Variants in FOXM1 observed in about 807,000 individuals in gnomAD.
FOXM1 encodes the protein forkhead box M1.
Under a neutral mutation model 63.6 loss-of-function variants are expected in FOXM1, and 25 were observed. The observed-to-expected ratio is 0.39, with a 90% CI of 0.29 to 0.55. The LOEUF (loss-of-function observed/expected upper bound fraction) is 0.55, where lower values mean the gene tolerates loss of function less well. FOXM1 is among the 20% of genes least tolerant of loss of function. The pLI, the probability that FOXM1 is intolerant of heterozygous loss-of-function variation, is 0.60. For synonymous variants in FOXM1, 387 were observed against 376.9 expected (o/e 1.03, Z -0.31); for missense variants, 879 against 958.7 (o/e 0.92, Z 1.10).
Position 2,875,777 on chromosome 12 carries a change from T to TGAGACGGA in FOXM1, c.-48+1135_-48+1142dup, listed in dbSNP as rs1460184371. 7.9e-5 allele frequency among the ~76,000 whole-genome samples: 12 copies of TGAGACGGA among 151,214 alleles called. No individual in the cohort carries two copies. The East Asian group carries it at 2.1e-3, about 27-fold the overall frequency. On this transcript the variant is annotated intron_variant, in intron 1 of 8. Coordinates refer to ENST00000359843, the MANE Select transcript of FOXM1 (RefSeq NM_021953.4). Reference sequence around the variant, plus strand: ...TTTTTTTTAATTTTTTTTTTTTTTTTGAGACGGAGCTTCGCTCTTGTCACC... The same window carrying TGAGACGGA: ...TTTTTTTTAATTTTTTTTTTTTTTTTGAGACGGAGAGACGGAGCTTCGCTCTTGTCACC...
At position 2,864,348 on chromosome 12, in the gene FOXM1, T is replaced by C; in HGVS notation, c.1238A>G (p.His413Arg). The C allele has an allele frequency of 1.2e-6, 2 of 1,612,392 alleles. No individual in the cohort carries two copies. Among genetic ancestry groups the C allele is most frequent in the South Asian group, 2.2e-5 (2 of 91,068 alleles). Residue 413 changes from histidine (H) to arginine (R), a missense_variant, in exon 8 of 9, where the codon CAT becomes CGT. His to Arg is a conservative substitution (Grantham distance 29). Coordinates refer to ENST00000359843, the MANE Select transcript of FOXM1 (RefSeq NM_021953.4). This position sits in a 1 kb window ranked among gnomAD's most constrained non-coding sequence, Gnocchi z 5.1. ...GGGGGCAATGCGGACTCGCTTGCTA[T>C]GGCGGGCAAGCTCTGAGCTCATGAG... ...ASLMSSELAR[H>R]SKRVRIAPKV...
Position 2,859,531 on chromosome 12 carries a change from C to T in FOXM1, c.1399G>A (p.Gly467Arg). 6.2e-7 allele frequency: 1 copy of T among 1,614,062 alleles called. No individual in the cohort carries two copies. The highest frequency in any genetic ancestry group is 8.5e-7 in the Non-Finnish European group (1 of 1,179,984). Residue 467 changes from glycine to arginine, a missense_variant, in exon 9 of 9, where the codon GGG (glycine) becomes AGG (arginine). Around this residue, in one of 4 missense-constraint regions of FOXM1, gnomAD observed 486 missense variants for 453.5 expected, o/e 1.07. Coordinates refer to ENST00000359843, the MANE Select transcript of FOXM1 (RefSeq NM_021953.4). ...QTIKEEEIQP[G>R]EEMPHLARPI... ...CTCGCTAAGTGTGGCATTTCCTCCC[C>T]AGGCTGGATTTCTTCCTCCTTGATA...
Position 2,858,921 on chromosome 12 carries a change from A to T in FOXM1, c.2009T>A (p.Leu670His), listed in dbSNP as rs563190488. The change falls in exon 9 of 9, where the codon CTT (leucine) becomes CAT (histidine). Residue 670 changes from leucine to histidine, a missense_variant. Coordinates refer to ENST00000359843, the MANE Select transcript of FOXM1 (RefSeq NM_021953.4). The part of the protein sequence containing the change: ...STTPLQSAPP[L>H]ESPQRLLSSE... The stretch of plus-strand genomic sequence containing the variant: ...ACTGAGGAGCCTTTGCGGTGATTCA[A>T]GGGGGGGAGCACTTTGCAAGGGAGT... 2 of 1,613,536 alleles carry T rather than the reference A, an allele frequency of 1.2e-6. No individual in the cohort carries two copies. The highest frequency in any genetic ancestry group is 2.2e-5 in the East Asian group (1 of 44,862).
intron 3 of FOXM1, among the ~76,000 whole-genome samples, chr12:2,869,040 T>C (rs911004283): frequency 6.6e-6 from 1 of 152,182 alleles, no homozygotes; most frequent in Admixed American, 6.6e-5. Context: ...AAAGTTTGAG[T>C]ATGTACTTTG....
chr12:2,870,834 C>T (rs934032625), intron 3 of FOXM1, among the ~76,000 whole-genome samples: 4 of 151,816 alleles, frequency 2.6e-5, no homozygotes, highest in Non-Finnish European at 4.4e-5. Context: ...CAGCGGGCAC[C>T]TGTAATCCCA....
rs978281932 is a variant in FOXM1 at position 2,871,617 on chromosome 12, G to A, written c.654+479C>T. Among the ~76,000 whole-genome samples, 12 of 151,056 alleles carry A rather than the reference G, an allele frequency of 7.9e-5. No individual in the cohort carries two copies. In the East Asian group the frequency reaches 1.4e-3, roughly 17 times the overall value. The stretch of plus-strand genomic sequence containing the variant: ...CAGAGAGCCATGACTGCACCATTGC[G>A]CTCCAGCCTGGGCAACAGAGCAAGA... On this transcript the variant is annotated intron_variant, in intron 3 of 8. Transcript: ENST00000359843.
intron 8 of FOXM1, among the ~76,000 whole-genome samples, chr12:2,862,840 C>A (rs1401050345): frequency 6.6e-6 from 1 of 151,868 alleles, no homozygotes; most frequent in African/African-American, 2.4e-5. Context: ...CTGTGCATGG[C>A]CTAAAAGATT....
rs1467099506 is a variant in FOXM1, at chr12:2,865,419, G to A, written c.976-20C>T. 1.9e-6 allele frequency: 3 copies of A among 1,607,820 alleles called. No individual in the cohort carries two copies. Among genetic ancestry groups the A allele is most frequent in the Non-Finnish European group, 2.5e-6 (3 of 1,176,512 alleles). On this transcript the variant is annotated intron_variant, in intron 5 of 8. Coordinates refer to ENST00000359843, the MANE Select transcript of FOXM1 (RefSeq NM_021953.4). Reference sequence around the variant, plus strand: ...CAGTGGCTGGTGGCGGCCAGGCATTGTGGGAGAGAAATGAGATGAAGTTAC... The same window carrying A: ...CAGTGGCTGGTGGCGGCCAGGCATTATGGGAGAGAAATGAGATGAAGTTAC...
chr12:2,874,156 A>C lies in FOXM1; in HGVS notation c.323T>G (p.Leu108Arg). 1 of 1,614,178 alleles carries C rather than the reference A, an allele frequency of 6.2e-7. No homozygotes were observed. The highest frequency in any genetic ancestry group is 8.5e-7 in the Non-Finnish European group (1 of 1,180,034). Residue 108 changes from leucine (L) to arginine (R), a missense_variant, in exon 2 of 9, where the codon CTC (leucine) becomes CGC (arginine). Around this residue, in one of 4 missense-constraint regions of FOXM1, gnomAD observed 255 missense variants for 292.4 expected, o/e 0.87. Coordinates refer to ENST00000359843, the MANE Select transcript of FOXM1 (RefSeq NM_021953.4). This position sits in a 1 kb window ranked among gnomAD's most constrained non-coding sequence, Gnocchi z 4.3. ...SGSSGPNKFI[L>R]ISCGGAPTQP... is the part of the protein sequence containing the mutation. ...AGTTGGGGCTCCCCCACAGCTGATG[A>C]GGATGAATTTGTTGGGCCCACTACT...
In FOXM1 at chr12:2,865,349, C is replaced by G. The variant is rs773638430; in HGVS notation, c.1020+6G>C. 6.2e-7 allele frequency: 1 copy of G among 1,609,980 alleles called. No individual in the cohort carries two copies. ...CAAGCCCCGAGCCAGAGGGAAAGAA[C>G]CTTACTGATTCCAAGTGCTCGGGCA... On this transcript the variant is annotated splice_donor_region_variant and intron_variant, in intron 6 of 8. Transcript: ENST00000359843.
intron 1 of FOXM1, among the ~76,000 whole-genome samples, chr12:2,875,256 G>A (rs946043529): frequency 1.3e-5 from 2 of 152,158 alleles, no homozygotes; most frequent in African/African-American, 4.8e-5. Context: ...GCCTCCCAAA[G>A]TGCTGGGATT....
rs369067352 is a variant in FOXM1 at position 2,869,462 on chromosome 12, T to C, written c.655-708A>G. 2.0e-4 allele frequency among the ~76,000 whole-genome samples: 28 copies of C among 141,336 alleles called. No individual in the cohort carries two copies. The South Asian group carries it at 5.6e-3, about 28-fold the overall frequency. 92.7% of individuals were successfully genotyped at this position (141,336 alleles called of 152,430 possible). On this transcript the variant is annotated intron_variant, in intron 3 of 8. Transcript: ENST00000359843. The stretch of plus-strand genomic sequence containing the variant: ...TTTTTTTTTTTTTTTTGAGATGGAG[T>C]TTCACTCTTGTTGCCCAGGCTGGAG...
Position 2,858,876 on chromosome 12 carries a change from A to C in FOXM1, c.2054T>G (p.Ile685Ser), listed in dbSNP as rs1344844305. 1 of 1,613,992 alleles carries C rather than the reference A, an allele frequency of 6.2e-7. No individual in the cohort carries two copies. The highest frequency in any genetic ancestry group is 1.7e-5 in the Admixed American group (1 of 60,012). The change falls in exon 9 of 9, where the codon ATC (isoleucine) becomes AGC (serine). Residue 685 changes from isoleucine to serine, a missense_variant. This residue lies in a region of FOXM1 where 486 missense variants were observed against 453.5 expected (regional missense o/e 1.07). Transcript: ENST00000359843. ...RLLSSEPLDL[I>S]SVPFGNSSPS... ...AGAAGAGTTGCCAAAGGGGACGGAG[A>C]TGAGGTCTAAGGGTTCTGAACTGAG...
chr12:2,870,572 A>AGAAT (rs1285934028), intron 3 of FOXM1, among the ~76,000 whole-genome samples: 2 of 151,574 alleles, frequency 1.3e-5, no homozygotes, highest in African/African-American at 2.4e-5. Context: ...CTGAGGCAGG[A>AGAAT]GAATCACTTG....
Position 2,872,733 on chromosome 12 carries a change from G to C in FOXM1, c.503-486C>G, listed in dbSNP as rs1330901548. Among the ~76,000 whole-genome samples, 1 of 152,130 alleles carries C rather than the reference G, an allele frequency of 6.6e-6. No homozygotes were observed. The highest frequency in any genetic ancestry group is 2.4e-5 in the African/African-American group (1 of 41,428). On this transcript the variant is annotated intron_variant, in intron 2 of 8. Transcript: ENST00000359843. The surrounding 1 kb of genome is among the most constrained non-coding windows in gnomAD (Gnocchi z 4.0). ...TTACTCTGCCCCATTATGCATTTCA[G>C]GACAAATTTAGGAGCATAGTTCAAA...
intron 4 of FOXM1, 125 bp from the exon 5 acceptor site, chr12:2,866,646 C>G: frequency 1.0e-6 from 1 of 973,372 alleles, no homozygotes; most frequent in Non-Finnish European, 1.4e-6. Context: ...CGTCTGGTGT[C>G]TTTGCAGCCC....
Position 2,858,827 on chromosome 12 carries a change from C to T in FOXM1, c.2103G>A (p.Lys701=). ...NSSPSDIDVP[K]PGSPEPQVSG... ...AAACCTGTGGCTCCGGGGAGCCTGGCTTGGGGACGTCTATATCTGAGGGAG... is the reference window on the plus strand; with the variant it reads ...AAACCTGTGGCTCCGGGGAGCCTGGTTTGGGGACGTCTATATCTGAGGGAG... The change falls in exon 9 of 9, where the codon AAG becomes AAA. Residue 701 remains lysine, a synonymous_variant. Coordinates refer to ENST00000359843, the MANE Select transcript of FOXM1 (RefSeq NM_021953.4). 6.2e-7 allele frequency: 1 copy of T among 1,614,152 alleles called. No homozygotes were observed. The highest frequency in any genetic ancestry group is 8.5e-7 in the Non-Finnish European group (1 of 1,180,006).
At position 2,872,318 on chromosome 12, in the gene FOXM1, G is replaced by A; in HGVS notation, c.503-71C>T. 6.4e-7 allele frequency: 1 copy of A among 1,550,560 alleles called. No homozygotes were observed. Among genetic ancestry groups the A allele is most frequent in the Non-Finnish European group, 8.9e-7 (1 of 1,129,370 alleles). On this transcript the variant is annotated intron_variant, in intron 2 of 8. Transcript: ENST00000359843. The surrounding 1 kb of genome is among the most constrained non-coding windows in gnomAD (Gnocchi z 4.0). The stretch of plus-strand genomic sequence containing the variant: ...TGCCCAGGTGTGTCCATCAGAATTG[G>A]TGGCTAGCAGGCCGGGTGCAGTGGC...
chr12:2,867,575 T>C (rs1274700447), intron 4 of FOXM1, among the ~76,000 whole-genome samples: 2 of 149,300 alleles, frequency 1.3e-5, no homozygotes, highest in Non-Finnish European at 3.0e-5. Flanking sequence ...GGCAGGAGAA[T>C]GGCGTGAACC....
Sources: allele counts gnomAD v4.1 joint callset (sites outside exome capture counted in the v4.1 genomes callset), GRCh38; gene constraint gnomAD v4.1.1; regional missense constraint gnomAD v4.1.1; non-coding constraint Gnocchi (gnomAD v3.1); transcripts MANE v1.5; gene names NCBI Gene and HGNC (gene_info 2026-07-23, HGNC 2026-07-21).